GOLGA8A: variants seen among roughly 807,000 people sequenced by gnomAD.
GOLGA8A encodes the protein golgin subfamily A member 8A.
In GOLGA8A, 3 loss-of-function variants were observed where a neutral mutation model predicts 22.1. That is an observed-to-expected ratio of 0.14 (90% confidence interval 0.06 to 0.35). GOLGA8A has a LOEUF of 0.35. Among genes scored for constraint, GOLGA8A ranks in the 10% least tolerant of loss-of-function variants. The pLI, the probability that GOLGA8A is intolerant of heterozygous loss-of-function variation, is 1.00. For synonymous variants in GOLGA8A, 7 were observed against 91.7 expected, an observed-to-expected ratio of 0.08 and a Z score of 5.28; for missense variants, 16 against 233.2, an observed-to-expected ratio of 0.07 and a Z score of 6.07.
rs1893569961 is a variant in GOLGA8A at position 34,437,255 on chromosome 15, C to T, written c.-1212+143G>A. ...CCCAGCGGCGGCCTCCCCGCAGCCC[C>T]GCCGAGTCCGGGGGGCAGCGCTCGG... On this transcript the variant is annotated intron_variant, in intron 1 of 24. Transcript: ENST00000359187. 2 of 146,148 alleles carry T rather than the reference C, an allele frequency of 1.4e-5. 1 individual carries two copies. Among genetic ancestry groups the T allele is most frequent in the African/African-American group, 5.1e-5 (2 of 39,596 alleles). The allele number at this position is 146,148 out of a possible 1,614,324, so 9.1% of individuals were successfully genotyped here. A position where few individuals can be genotyped will look rare whatever the true frequency, so the allele number is the denominator to read the frequency against.
At position 34,379,954 on chromosome 15, in the gene GOLGA8A, C is replaced by T. The variant is rs1363799291; in HGVS notation, c.*1457G>A. On this transcript the variant is annotated 3_prime_UTR_variant, in exon 25 of 25. Coordinates refer to ENST00000359187, the MANE Select transcript of GOLGA8A (RefSeq NM_181077.5). Reference sequence around the variant, plus strand: ...TCGTAAAGAAGTTTGTGAGGAAATACAACTCTGCGATCGTATAGACATGTT... The same window carrying T: ...TCGTAAAGAAGTTTGTGAGGAAATATAACTCTGCGATCGTATAGACATGTT... 1.3e-5 allele frequency: 2 copies of T among 152,632 alleles called. No individual in the cohort carries two copies. The highest frequency in any genetic ancestry group is 2.9e-5 in the Non-Finnish European group (2 of 68,046). 9.5% of individuals were successfully genotyped at this position (152,632 alleles called of 1,614,324 possible). A position where few individuals can be genotyped will look rare whatever the true frequency, so the allele number is the denominator to read the frequency against.
rs1299283488 is a variant in GOLGA8A at position 34,437,471 on chromosome 15, T to C, written c.-1285A>G. The C allele has an allele frequency of 2.7e-4, 22 of 80,898 alleles. 2 individuals carry two copies. The highest frequency in any genetic ancestry group is 8.2e-4 in the African/African-American group (14 of 17,124). 5.0% of individuals were successfully genotyped at this position (80,898 alleles called of 1,614,324 possible). Reference sequence around the variant, plus strand: ...CGCCGTCCTCGCCGCGCCGCCGTCCTCGCCGCGCCGCCGTCCTCGCCGCGC... The same window carrying C: ...CGCCGTCCTCGCCGCGCCGCCGTCCCCGCCGCGCCGCCGTCCTCGCCGCGC... On this transcript the variant is annotated 5_prime_UTR_variant, in exon 1 of 25. Coordinates refer to ENST00000359187, the MANE Select transcript of GOLGA8A (RefSeq NM_181077.5).
intron 2 of GOLGA8A, among the ~76,000 whole-genome samples, chr15:34,411,482 G>A (rs1892430289): frequency 9.3e-6 from 1 of 107,094 alleles, no homozygotes; most frequent in South Asian, 3.8e-4. Flanking sequence ...CTTGGGTTTG[G>A]AATGGAAATC....
At chr15:34,431,294 TATATATATATATATATA>T (rs1893222531) in intron 2 of GOLGA8A, among the ~76,000 whole-genome samples, 1 of 9,526 alleles carries the variant, frequency 1.0e-4, no homozygotes, top group African/African-American at 2.0e-4. Context: ...AAAAAAATTA[TATATATATATATATATA>T]CATATATATA....
chr15:34,435,795 A>G (rs1025064468), intron 1 of GOLGA8A, among the ~76,000 whole-genome samples: 3 of 148,806 alleles, frequency 2.0e-5, no homozygotes, highest in African/African-American at 7.4e-5. Flanking sequence ...CAGCCCAGAG[A>G]GGGAGCCCAC....
At chr15:34,430,762 T>C (rs917054784) in intron 2 of GOLGA8A, among the ~76,000 whole-genome samples, 2 of 149,790 alleles carry the variant, frequency 1.3e-5, no homozygotes, top group African/African-American at 4.9e-5. Flanking sequence ...AGTAACTCAG[T>C]GGCTGGTGAG....
chr15:34,427,080 T>C lies in GOLGA8A; in HGVS notation c.-1123+8303A>G, dbSNP rs2433270. On this transcript the variant is annotated intron_variant, in intron 2 of 24. Transcript: ENST00000359187. ...GGGCACGGTGGCTCACGCCTGTAAT[T>C]GCAGCACTTTGGGAGGCTGAAGCAG... Among the ~76,000 whole-genome samples the C allele has an allele frequency of 2.4e-3, 360 of 147,238 alleles. 19 individuals carry two copies. The highest frequency in any genetic ancestry group is 9.6e-3 in the Admixed American group (138 of 14,334).
At chr15:34,418,522 G>A (rs1172642680) in intron 2 of GOLGA8A, 3 of 145,370 alleles carry the variant, frequency 2.1e-5, no homozygotes, top group Non-Finnish European at 1.5e-5. Context: ...TGAGGTCTTT[G>A]GGGCCAGCTT....
intron 2 of GOLGA8A, among the ~76,000 whole-genome samples, chr15:34,429,621 C>T (rs1039119958): frequency 5.4e-5 from 8 of 148,996 alleles, no homozygotes; most frequent in African/African-American, 2.0e-4. Context: ...GCACATTCTC[C>T]AGCAACCCCT....
intron 2 of GOLGA8A, among the ~76,000 whole-genome samples, chr15:34,432,826 A>C (rs1387381533): frequency 6.7e-6 from 1 of 149,042 alleles, no homozygotes; most frequent in Admixed American, 6.8e-5. Flanking sequence ...CCGCCTCTGC[A>C]TTCTCTCACT....
intron 1 of GOLGA8A, among the ~76,000 whole-genome samples, chr15:34,436,983 G>C (rs1355310114): frequency 2.0e-5 from 3 of 149,470 alleles, no homozygotes; most frequent in Non-Finnish European, 3.0e-5. Context: ...GCCCGGCACG[G>C]GGACTTGATG....
Position 34,410,666 on chromosome 15 carries a change from G to C in GOLGA8A, c.-1122-2931C>G, listed in dbSNP as rs534210032. The C allele has an allele frequency of 8.6e-5, 24 of 278,596 alleles. 9 individuals carry two copies. The highest frequency in any genetic ancestry group is 1.4e-4 in the Non-Finnish European group (24 of 174,776). 17.3% of individuals were successfully genotyped at this position (278,596 alleles called of 1,614,324 possible). A position where few individuals can be genotyped will look rare whatever the true frequency, so the allele number is the denominator to read the frequency against. ...CAAGGGACCTCAGGGTACAGGCCTC[G>C]CAGATGCTGAAGCGAGGCGGTGGGG... On this transcript the variant is annotated intron_variant, in intron 2 of 24. Transcript: ENST00000359187.
At chr15:34,386,214 CT>C (rs1238924182) in intron 12 of GOLGA8A, among the ~76,000 whole-genome samples, 3 of 143,278 alleles carry the variant, frequency 2.1e-5, no homozygotes, top group Non-Finnish European at 3.0e-5. Context: ...ATCTCAGACT[CT>C]CAGAGCTAAC....
chr15:34,380,245 T>A lies in GOLGA8A; in HGVS notation c.*1166A>T, dbSNP rs1046728886. ...GAAGAATAGGTATTAGCCAGAGAGG[T>A]CTAGATAGTAAAATCAAACTTCAAG... On this transcript the variant is annotated 3_prime_UTR_variant, in exon 25 of 25. Coordinates refer to ENST00000359187, the MANE Select transcript of GOLGA8A (RefSeq NM_181077.5). 3 of 152,008 alleles carry A rather than the reference T, an allele frequency of 2.0e-5. No individual in the cohort carries two copies. The highest frequency in any genetic ancestry group is 7.2e-5 in the African/African-American group (3 of 41,380). The allele number at this position is 152,008 out of a possible 1,614,324, so 9.4% of individuals were successfully genotyped here. A position where few individuals can be genotyped will look rare whatever the true frequency, so the allele number is the denominator to read the frequency against.
In GOLGA8A at chr15:34,421,152, G is replaced by A. The variant is rs1440269164; in HGVS notation, c.-1122-13417C>T. 2.1e-5 allele frequency among the ~76,000 whole-genome samples: 3 copies of A among 142,886 alleles called. 1 individual carries two copies. Among genetic ancestry groups the A allele is most frequent in the South Asian group, 2.6e-4 (1 of 3,894 alleles). 93.7% of individuals were successfully genotyped at this position (142,886 alleles called of 152,430 possible). A position where few individuals can be genotyped will look rare whatever the true frequency, so the allele number is the denominator to read the frequency against. Reference sequence around the variant, plus strand: ...GCGCCCCCTTTGCCCCCACTTCCTTGGGCTGTGGCTGGCCTGTCTGACATT... The same window carrying A: ...GCGCCCCCTTTGCCCCCACTTCCTTAGGCTGTGGCTGGCCTGTCTGACATT... On this transcript the variant is annotated intron_variant, in intron 2 of 24. Transcript: ENST00000359187.
chr15:34,424,427 A>G lies in GOLGA8A; in HGVS notation c.-1123+10956T>C, dbSNP rs1490020942. ...GGTCGACGATGGCAAATGATTCTCC[A>G]ATAAAAAAATACGAGAGGAAGAATG... On this transcript the variant is annotated intron_variant, in intron 2 of 24. Transcript: ENST00000359187. Among the ~76,000 whole-genome samples, 5 of 141,910 alleles carry G rather than the reference A, an allele frequency of 3.5e-5. 1 individual carries two copies. The East Asian group carries it at 1.1e-3, about 31-fold the overall frequency. 93.1% of individuals were successfully genotyped at this position (141,910 alleles called of 152,430 possible).
chr15:34,400,662 C>T (rs530246268), intron 6 of GOLGA8A, 50 bp downstream of exon 6: 5 of 145,048 alleles, frequency 3.4e-5, no homozygotes, highest in East Asian at 2.0e-4. Context: ...TTCGTTACCC[C>T]GTATGAATCC....
intron 2 of GOLGA8A, among the ~76,000 whole-genome samples, chr15:34,434,856 C>G (rs1458202709): frequency 6.7e-6 from 1 of 149,602 alleles, no homozygotes; most frequent in East Asian, 2.0e-4. Flanking sequence ...GGAACTGAGA[C>G]TGCGTTGAGG....
intron 2 of GOLGA8A, 86 bp downstream of exon 2, chr15:34,435,297 C>T (rs774798228): frequency 4.0e-5 from 6 of 149,604 alleles, no homozygotes; most frequent in African/African-American, 1.5e-4. Flanking sequence ...TTTCCTCTGA[C>T]TTCCTCAGTT....
Sources: allele counts gnomAD v4.1 joint callset (sites outside exome capture counted in the v4.1 genomes callset), GRCh38; gene constraint gnomAD v4.1.1; transcripts MANE v1.5; gene names NCBI Gene and HGNC (gene_info 2026-07-23, HGNC 2026-07-21).